GPLD1: variants seen among roughly 807,000 people sequenced by gnomAD.
The protein encoded by GPLD1 is glycosylphosphatidylinositol specific phospholipase D1.
GPLD1 carries 84 observed loss-of-function variants against 112.6 expected under a neutral mutation model. That is an observed-to-expected ratio of 0.75 (90% CI 0.63 to 0.89). The LOEUF is 0.89. Among genes scored for constraint, GPLD1 ranks in the 40% least tolerant of loss-of-function variants. The pLI is 0.00. For synonymous variants in GPLD1, 386 were observed against 403.8 expected (o/e 0.96, Z 0.53); for missense variants, 1,044 against 1,051.5 (o/e 0.99, Z 0.10).
intron 2 of GPLD1, among the ~76,000 whole-genome samples, chr6:24,484,199 G>A (rs1462905160): frequency 6.6e-6 from 1 of 151,884 alleles, no homozygotes; most frequent in Non-Finnish European, 1.5e-5. Flanking sequence ...ACTGACGTGA[G>A]CCACCGTGCC....
chr6:24,456,724 G>A, intron 12 of GPLD1, 87 bp from the exon 13 acceptor site: 1 of 856,318 alleles, frequency 1.2e-6, no homozygotes, highest in African/African-American at 1.7e-5. Context: ...TTGGACTTGT[G>A]TAAAGGAAAT....
chr6:24,435,664 A>C (rs2127316636), intron 22 of GPLD1, among the ~76,000 whole-genome samples: 1 of 150,674 alleles, frequency 6.6e-6, no homozygotes, highest in East Asian at 2.0e-4. Flanking sequence ...TCTCTACTAA[A>C]AATACAAAAA....
At chr6:24,459,548 C>T (rs538750922) in intron 12 of GPLD1, among the ~76,000 whole-genome samples, 7 of 152,302 alleles carry the variant, frequency 4.6e-5, no homozygotes, top group South Asian at 2.1e-4. Context: ...TGAGCCACCA[C>T]GCCCATTCTC....
chr6:24,494,876 C>G (rs1288011036), intron 1 of GPLD1: 3 of 1,125,366 alleles, frequency 2.7e-6, no homozygotes, highest in Non-Finnish European at 3.4e-6. Flanking sequence ...CTTCCGCCAG[C>G]TCCCACGCTT....
At chr6:24,487,489 C>A (rs993420044) in intron 1 of GPLD1, among the ~76,000 whole-genome samples, 1 of 149,554 alleles carries the variant, frequency 6.7e-6, no homozygotes, top group South Asian at 2.1e-4. Flanking sequence ...AAGCAATTAT[C>A]TGGTTTTATT....
At chr6:24,472,385 C>T (rs557912816) in intron 7 of GPLD1, among the ~76,000 whole-genome samples, 197 bp downstream of exon 7, 1 of 152,320 alleles carries the variant, frequency 6.6e-6, no homozygotes, top group Admixed American at 6.5e-5. Flanking sequence ...TATGACTCAG[C>T]AACTCCACTC....
At chr6:24,490,987 T>C (rs868637768), upstream of GPLD1, among the ~76,000 whole-genome samples, 1 of 152,212 alleles carries the variant, frequency 6.6e-6, no homozygotes. Flanking sequence ...AAATCAAGTT[T>C]ATGAACTTTT....
rs75342847 is a variant in GPLD1, at chr6:24,427,535, G to C, written c.*1497C>G. ...CCTTCACTATATAAACATTGAAAAGGTATTAATCCTCATTAAGAAAGGATT... is the reference window on the plus strand; with the variant it reads ...CCTTCACTATATAAACATTGAAAAGCTATTAATCCTCATTAAGAAAGGATT... On this transcript the variant is annotated 3_prime_UTR_variant, in exon 25 of 25. Coordinates refer to ENST00000230036, the MANE Select transcript of GPLD1 (RefSeq NM_001503.4). Among the ~76,000 whole-genome samples, 1,512 of 152,200 alleles carry C rather than the reference G, an allele frequency of 9.9e-3. 25 individuals carry two copies. Among genetic ancestry groups the C allele is most frequent in the African/African-American group, 0.033 (1,353 of 41,508 alleles).
chr6:24,429,680 G>A (rs1342970691), intron 24 of GPLD1, among the ~76,000 whole-genome samples: 6 of 152,090 alleles, frequency 3.9e-5, no homozygotes, highest in South Asian at 2.1e-4. Flanking sequence ...CCCGAGTAGC[G>A]GAGATTACAG....
In GPLD1 at chr6:24,437,140, A is replaced by C. The variant is rs1291201329; in HGVS notation, c.2170T>G (p.Leu724Val). ...AAGCCATCATCATCCAGGTCACTCA[A>C]GTGCAGAACGCCACCAAATCGGGAG... ...RFSRFGGVLH[L>V]SDLDDDGLDE... is the part of the protein sequence containing the mutation. Residue 724 changes from leucine (L) to valine (V), a missense_variant, in exon 21 of 25, where the codon TTG becomes GTG. Coordinates refer to ENST00000230036, the MANE Select transcript of GPLD1 (RefSeq NM_001503.4). The C allele has an allele frequency of 6.2e-7, 1 of 1,614,224 alleles. No homozygotes were observed. The highest frequency in any genetic ancestry group is 8.5e-7 in the Non-Finnish European group (1 of 1,180,010).
At chr6:24,486,715 G>T (rs1051095279) in intron 1 of GPLD1, among the ~76,000 whole-genome samples, 2 of 152,266 alleles carry the variant, frequency 1.3e-5, no homozygotes, top group Middle Eastern at 3.4e-3. Flanking sequence ...CTACTTGGGA[G>T]GCTGAGGCAG....
intron 20 of GPLD1, among the ~76,000 whole-genome samples, chr6:24,440,558 T>C (rs998485657): frequency 2.4e-4 from 28 of 118,384 alleles, no homozygotes; most frequent in Non-Finnish European, 3.7e-5. Flanking sequence ...TATTTGATCA[T>C]TATCAAAAGT....
chr6:24,480,053 T>G, intron 2 of GPLD1, 94 bp from the exon 3 acceptor site: 1 of 760,506 alleles, frequency 1.3e-6, no homozygotes, highest in South Asian at 1.5e-5. Flanking sequence ...ATGCTAGAAA[T>G]ATGGGGGTAT....
At position 24,428,855 on chromosome 6, in the gene GPLD1, T is replaced by C. The variant is rs1762316672; in HGVS notation, c.*177A>G. The C allele has an allele frequency of 1.2e-5, 6 of 488,928 alleles. No individual in the cohort carries two copies. The highest frequency in any genetic ancestry group is 2.2e-5 in the Non-Finnish European group (6 of 273,094). 30.3% of individuals were successfully genotyped at this position (488,928 alleles called of 1,614,324 possible). ...ATTTCTGGTGCAGTCATATATTTAC[T>C]GTATCAGATTTCCAGAGGGTGTGGC... On this transcript the variant is annotated 3_prime_UTR_variant, in exon 25 of 25. Transcript: ENST00000230036.
At position 24,489,528 on chromosome 6, in the gene GPLD1, G is replaced by A. The variant is rs201855746; in HGVS notation, c.-17C>T. 72 of 1,613,668 alleles carry A rather than the reference G, an allele frequency of 4.5e-5. No individual in the cohort carries two copies. The Admixed American group carries it at 5.7e-4, about 13-fold the overall frequency. On this transcript the variant is annotated 5_prime_UTR_variant, in exon 1 of 25. Coordinates refer to ENST00000230036, the MANE Select transcript of GPLD1 (RefSeq NM_001503.4). ...AGCAGACATGATCTCATTGCCCACC[G>A]GCTTCTCTGGTGACGTGGGAATGCT...
chr6:24,440,593 A>AAAAAAGAAGCACAATCC (rs1762714099), intron 20 of GPLD1, among the ~76,000 whole-genome samples: 1 of 150,612 alleles, frequency 6.6e-6, no homozygotes, highest in South Asian at 2.1e-4. Context: ...AAAAAAAAAA[A>AAAAAAGAAGCACAATCC]AAAAGAAGCA....
intron 14 of GPLD1, among the ~76,000 whole-genome samples, chr6:24,451,647 TTC>T (rs1763093114): frequency 6.6e-6 from 1 of 152,222 alleles, no homozygotes; most frequent in Admixed American, 6.5e-5. Flanking sequence ...GGTTCTCCAA[TTC>T]TTTCACAACT....
chr6:24,448,849 T>C (rs1762993887), intron 15 of GPLD1, among the ~76,000 whole-genome samples: 1 of 152,252 alleles, frequency 6.6e-6, no homozygotes, highest in Admixed American at 6.5e-5. Context: ...GTTCCTCTTA[T>C]AACTTGCCTG....
At position 24,454,070 on chromosome 6, in the gene GPLD1, G is replaced by A; in HGVS notation, c.1280C>T (p.Pro427Leu). The A allele has an allele frequency of 6.2e-7, 1 of 1,613,478 alleles. No homozygotes were observed. The highest frequency in any genetic ancestry group is 8.5e-7 in the Non-Finnish European group (1 of 1,179,460). Residue 427 changes from proline to leucine, a missense_variant, in exon 14 of 25, where the codon CCA becomes CTA. Coordinates refer to ENST00000230036, the MANE Select transcript of GPLD1 (RefSeq NM_001503.4). Reference protein sequence around the residue: ...YLIYGNDLGLPPVDLDLDKEA... With the variant: ...YLIYGNDLGLLPVDLDLDKEA... ...CTTGTCCAGGTCCAGGTCAACAGGT[G>A]GCAGGCCCAGGTCATTGCCGTAGAT...
Sources: allele counts gnomAD v4.1 joint callset (sites outside exome capture counted in the v4.1 genomes callset), GRCh38; gene constraint gnomAD v4.1.1; transcripts MANE v1.5; gene names NCBI Gene and HGNC (gene_info 2026-07-23, HGNC 2026-07-21).